ROBO2: variants seen among roughly 807,000 people sequenced by gnomAD.
ROBO2 encodes the protein roundabout homolog 2.
A neutral mutation model predicts 160.8 loss-of-function variants in ROBO2; 53 were observed. The ratio of observed to expected loss-of-function variants is 0.33; its 90% confidence interval spans 0.26 to 0.41. ROBO2 has a LOEUF of 0.41. Among genes scored for constraint, ROBO2 ranks in the 10% least tolerant of loss-of-function variants. The pLI, the probability that ROBO2 is intolerant of heterozygous loss-of-function variation, is 1.00. For synonymous variants in ROBO2, 664 were observed against 611.7 expected (o/e 1.09, Z -1.26); for missense variants, 1,577 against 1,722.4 (o/e 0.92, Z 1.49).
At chr3:76,475,267 A>T (rs2107184460) in intron 2 of ROBO2, among the ~76,000 whole-genome samples, 1 of 152,220 alleles carries the variant, frequency 6.6e-6, no homozygotes, top group Middle Eastern at 3.4e-3. Flanking sequence ...AGAGAAAAGT[A>T]ATGTCAAAGG....
chr3:77,562,103 C>T (rs557060456), intron 9 of ROBO2, among the ~76,000 whole-genome samples: 50 of 151,726 alleles, frequency 3.3e-4, no homozygotes, highest in African/African-American at 1.2e-3. Flanking sequence ...AACTCTGTCT[C>T]GGGGTAAAAA....
chr3:76,205,249 C>T (rs1449121700), intron 2 of ROBO2, among the ~76,000 whole-genome samples: 1 of 152,100 alleles, frequency 6.6e-6, no homozygotes, highest in African/African-American at 2.4e-5. Flanking sequence ...TTATTTTGTA[C>T]CCGTGAGTTC....
chr3:77,195,966 A>AT (rs1487418250), intron 2 of ROBO2, among the ~76,000 whole-genome samples: 2 of 152,254 alleles, frequency 1.3e-5, no homozygotes, highest in East Asian at 3.9e-4. Context: ...CTGACGACAC[A>AT]TTTTTCATCA....
At chr3:76,655,685 C>A (rs899136593) in intron 2 of ROBO2, among the ~76,000 whole-genome samples, 1 of 133,462 alleles carries the variant, frequency 7.5e-6, no homozygotes, top group Admixed American at 8.1e-5. Flanking sequence ...AAGAGAGGGG[C>A]AGGTAGGCAG....
intron 2 of ROBO2, among the ~76,000 whole-genome samples, chr3:76,742,930 C>G (rs2093826259): frequency 6.6e-6 from 1 of 151,924 alleles, no homozygotes; most frequent in African/African-American, 2.4e-5. Context: ...AAAATCAGCT[C>G]TATGGCCAAC....
At chr3:77,176,410 G>A (rs2080161466) in intron 2 of ROBO2, among the ~76,000 whole-genome samples, 1 of 151,850 alleles carries the variant, frequency 6.6e-6, no homozygotes, top group Non-Finnish European at 1.5e-5. Context: ...CAGAATATTT[G>A]TTTGTAAACA....
At chr3:77,261,060 T>C (rs2058742174) in intron 2 of ROBO2, among the ~76,000 whole-genome samples, 2 of 152,142 alleles carry the variant, frequency 1.3e-5, no homozygotes, top group South Asian at 4.1e-4. Context: ...CGGTTTCTAA[T>C]CAATCAGCCT....
intron 4 of ROBO2, among the ~76,000 whole-genome samples, 171 bp downstream of exon 4, chr3:77,481,390 G>A (rs995839975): frequency 6.6e-6 from 1 of 152,076 alleles, no homozygotes. Flanking sequence ...AAGCTTCGAT[G>A]TAAAGAAAAA....
chr3:76,039,895 C>T (rs1019262716), intron 2 of ROBO2, among the ~76,000 whole-genome samples: 5 of 151,944 alleles, frequency 3.3e-5, no homozygotes, highest in African/African-American at 4.8e-5. Context: ...CATTCCACTT[C>T]GGAGAATAAA....
intron 2 of ROBO2, among the ~76,000 whole-genome samples, chr3:77,237,183 C>CTTTTTTTTTTTTTTTTTTTTTTTT (rs34992972): frequency 9.3e-6 from 1 of 107,114 alleles, no homozygotes; most frequent in Non-Finnish European, 1.8e-5. Flanking sequence ...CTTGACCTTT[C>CTTTTTTTTTTTTTTTTTTTTTTTT]TTTTTTTTTT....
chr3:75,928,453 A>G (rs565335963), intron 1 of ROBO2, among the ~76,000 whole-genome samples: 1 of 145,860 alleles, frequency 6.9e-6, no homozygotes, highest in East Asian at 2.1e-4. Context: ...ATTTAGTGTG[A>G]GTCAGTGAAC....
chr3:76,755,945 A>C (rs921852796), intron 2 of ROBO2, among the ~76,000 whole-genome samples: 2 of 151,742 alleles, frequency 1.3e-5, no homozygotes, highest in African/African-American at 2.4e-5. Context: ...CTACTCACCT[A>C]ATGGTATGAG....
chr3:76,421,136 T>G (rs779520996), intron 2 of ROBO2, among the ~76,000 whole-genome samples: 2 of 152,222 alleles, frequency 1.3e-5, no homozygotes, highest in Non-Finnish European at 2.9e-5. Context: ...TTAAATTTAA[T>G]AAAATGCTGT....
At chr3:77,309,162 C>G (rs974066292) in intron 2 of ROBO2, among the ~76,000 whole-genome samples, 2 of 150,974 alleles carry the variant, frequency 1.3e-5, no homozygotes, top group Non-Finnish European at 2.9e-5. Context: ...TCTAAGAAAA[C>G]TTAATTTATT....
At chr3:76,339,364 C>T (rs926799028) in intron 2 of ROBO2, among the ~76,000 whole-genome samples, 6 of 152,142 alleles carry the variant, frequency 3.9e-5, no homozygotes, top group Middle Eastern at 3.4e-3. Flanking sequence ...GATTTTGAAA[C>T]GCATGCTTTA....
rs937516714 is a variant in ROBO2, at chr3:76,619,284, G to C, written c.110-478730G>C. Among the ~76,000 whole-genome samples the C allele has an allele frequency of 4.0e-5, 6 of 150,474 alleles. No homozygotes were observed. The East Asian group carries it at 1.2e-3, about 29-fold the overall frequency. ...GAACCCGGGAGGCGGAGCTTGCAGT[G>C]AGCCGAGATCGCGCCACTGCACTCC... On this transcript the variant is annotated intron_variant, in intron 2 of 26. Coordinates refer to the ROBO2 transcript ENST00000487694.
At chr3:76,411,676 A>G (rs9309738) in intron 2 of ROBO2, among the ~76,000 whole-genome samples, 45,406 of 152,048 alleles carry the variant, frequency 0.3, 8,307 homozygotes, top group African/African-American at 0.5. Flanking sequence ...TTACAGTTAC[A>G]ATGGATATTT....
At chr3:76,242,288 T>A (rs1347814658) in intron 2 of ROBO2, among the ~76,000 whole-genome samples, 2 of 152,168 alleles carry the variant, frequency 1.3e-5, no homozygotes, top group Non-Finnish European at 2.9e-5. Context: ...CTTCAGATAC[T>A]CCTTGACCAA....
intron 2 of ROBO2, among the ~76,000 whole-genome samples, chr3:76,520,916 A>G (rs1456075580): frequency 6.6e-6 from 1 of 152,148 alleles, no homozygotes; most frequent in Non-Finnish European, 1.5e-5. Context: ...AGATAGAGTG[A>G]GTTCCCAGTA....
Sources: gnomAD v4.1 joint callset for allele counts (sites outside exome capture counted in the v4.1 genomes callset) on GRCh38, gnomAD v4.1.1 for gene constraint, MANE v1.5 for transcripts, NCBI Gene and HGNC (gene_info 2026-07-23, HGNC 2026-07-21) for gene names.